GLUD1: variants seen among roughly 807,000 people sequenced by gnomAD.
GLUD1 encodes the protein glutamate dehydrogenase 1, mitochondrial.
A neutral mutation model predicts 56.0 loss-of-function variants in GLUD1; 22 were observed. That is an observed-to-expected ratio of 0.39 (90% CI 0.28 to 0.56). The LOEUF is 0.56. GLUD1 is among the 20% of genes least tolerant of loss of function. GLUD1 has a pLI of 0.58. For missense variants in GLUD1, 451 were observed against 732.0 expected (o/e 0.62, Z 4.43); for synonymous variants, 223 against 269.9 (o/e 0.83, Z 1.70).
At chr10:87,086,382 G>A (rs1447248583) in intron 1 of GLUD1, among the ~76,000 whole-genome samples, 1 of 151,934 alleles carries the variant, frequency 6.6e-6, no homozygotes, top group Non-Finnish European at 1.5e-5. Flanking sequence ...CTACCTGTTG[G>A]GAATACATTA....
chr10:87,086,696 C>T (rs573233417), intron 1 of GLUD1, among the ~76,000 whole-genome samples: 3 of 151,362 alleles, frequency 2.0e-5, no homozygotes, highest in Non-Finnish European at 4.4e-5. Flanking sequence ...GCCAGCGTGG[C>T]GGTGGGCGCC....
At chr10:87,072,887 T>G (rs567340533) in intron 4 of GLUD1, among the ~76,000 whole-genome samples, 2 of 152,314 alleles carry the variant, frequency 1.3e-5, no homozygotes, top group Admixed American at 6.5e-5. Flanking sequence ...TCAGAATCAG[T>G]AGGCACTCCT....
At chr10:87,056,106 ACT>A (rs1328691332) in intron 11 of GLUD1, among the ~76,000 whole-genome samples, 10 of 110,036 alleles carry the variant, frequency 9.1e-5, no homozygotes, top group South Asian at 3.5e-4. Flanking sequence ...ACAGATCGAG[ACT>A]CTGTCTCAAA....
intron 1 of GLUD1, among the ~76,000 whole-genome samples, chr10:87,080,555 A>G (rs1407022458): frequency 7.0e-6 from 1 of 143,682 alleles, no homozygotes; most frequent in Non-Finnish European, 1.5e-5. Context: ...CCGGCCGCCC[A>G]TCGTCTGCGA....
chr10:87,066,076 T>A (rs961660872), intron 5 of GLUD1, among the ~76,000 whole-genome samples: 1 of 152,150 alleles, frequency 6.6e-6, no homozygotes, highest in African/African-American at 2.4e-5. Context: ...CCAGCCTGCA[T>A]CTCTTCAGCA....
At chr10:87,056,742 C>T (rs980165607) in intron 11 of GLUD1, among the ~76,000 whole-genome samples, 1 of 148,986 alleles carries the variant, frequency 6.7e-6, no homozygotes, top group African/African-American at 2.5e-5. Context: ...AAGAGCTGCA[C>T]CAATCTACAC....
At chr10:87,069,768 CCT>C (rs1158748365) in intron 4 of GLUD1, among the ~76,000 whole-genome samples, 1 of 151,972 alleles carries the variant, frequency 6.6e-6, no homozygotes, top group African/African-American at 2.4e-5. Context: ...CTTTTTATAC[CCT>C]GACCCTCTCC....
At chr10:87,089,673 C>T (rs1021099662) in intron 1 of GLUD1, 1 of 982,282 alleles carries the variant, frequency 1.0e-6, no homozygotes, top group African/African-American at 1.7e-5. Context: ...GTAGCTCCTT[C>T]TCCTAGTTTG....
rs559138668 is a variant in GLUD1, at chr10:87,062,939, A to T, written c.742-104T>A. On this transcript the variant is annotated intron_variant, in intron 5 of 12. Transcript: ENST00000277865. ...AGCACATTCTCATTTAATCAAAAAT[A>T]TGCTAATTAGGAGTGTGTGTATGAA... The T allele has an allele frequency of 2.3e-5, 24 of 1,057,720 alleles. No individual in the cohort carries two copies. The African/African-American group carries it at 3.6e-4, about 16-fold the overall frequency. 65.5% of individuals were successfully genotyped at this position (1,057,720 alleles called of 1,614,324 possible).
intron 5 of GLUD1, 69 bp from the exon 6 acceptor site, chr10:87,062,904 T>C (rs1564767053): frequency 7.1e-7 from 1 of 1,411,560 alleles, no homozygotes; most frequent in South Asian, 1.2e-5. Flanking sequence ...ACATAATGAA[T>C]TAAAGTCAAA....
At chr10:87,090,606 C>T (rs906852516) in intron 1 of GLUD1, among the ~76,000 whole-genome samples, 6 of 152,100 alleles carry the variant, frequency 3.9e-5, no homozygotes, top group African/African-American at 1.2e-4. Flanking sequence ...AACACATTTC[C>T]GTATTTAAAT....
chr10:87,080,667 G>A (rs1247372537), intron 1 of GLUD1, among the ~76,000 whole-genome samples: 3 of 149,086 alleles, frequency 2.0e-5, no homozygotes, highest in Admixed American at 6.6e-5. Context: ...CTGCCCAGCC[G>A]CCCCATCTGA....
Position 87,059,013 on chromosome 10 carries a change from T to G in GLUD1, c.1402+137A>C, listed in dbSNP as rs185302997. 2.2e-4 allele frequency: 223 copies of G among 1,032,130 alleles called. 1 individual carries two copies. In the East Asian group the frequency reaches 5.3e-3, roughly 24 times the overall value. The allele number at this position is 1,032,130 out of a possible 1,614,324, so 63.9% of individuals were successfully genotyped here. On this transcript the variant is annotated intron_variant, in intron 10 of 12. Transcript: ENST00000277865. ...ACATTGTGCATTTTTGGTCTAAGTT[T>G]CATGAGACAAAATATTATTTTCTTT...
intron 10 of GLUD1, 133 bp downstream of exon 10, chr10:87,059,017 G>A: frequency 1.9e-6 from 2 of 1,066,150 alleles, no homozygotes; most frequent in Non-Finnish European, 2.9e-6. Context: ...TAAGTTTCAT[G>A]AGACAAAATA....
chr10:87,070,903 G>A (rs1324895205), intron 4 of GLUD1, among the ~76,000 whole-genome samples: 1 of 152,016 alleles, frequency 6.6e-6, no homozygotes, highest in Non-Finnish European at 1.5e-5. Context: ...GCCGAGGTGA[G>A]TGGATCACAA....
intron 1 of GLUD1, among the ~76,000 whole-genome samples, chr10:87,084,870 G>A (rs996666645): frequency 2.0e-5 from 3 of 152,140 alleles, no homozygotes; most frequent in African/African-American, 7.2e-5. Flanking sequence ...TAATATTAAT[G>A]TACCTTCTAA....
intron 1 of GLUD1, among the ~76,000 whole-genome samples, chr10:87,078,801 C>A (rs567097127): frequency 6.6e-6 from 1 of 152,224 alleles, no homozygotes; most frequent in South Asian, 2.1e-4. Context: ...GAATAAGTTT[C>A]TTCGAGATAG....
chr10:87,076,805 T>A (rs964018890), intron 1 of GLUD1, 149 bp from the exon 2 acceptor site: 1 of 693,588 alleles, frequency 1.4e-6, no homozygotes, highest in South Asian at 1.6e-5. Flanking sequence ...CCAAAAACAC[T>A]TGAAGCAGCT....
intron 12 of GLUD1, 83 bp from the exon 13 acceptor site, chr10:87,051,953 G>C: frequency 1.2e-5 from 18 of 1,499,786 alleles, no homozygotes; most frequent in Non-Finnish European, 1.6e-5. Context: ...GACAGGCCTG[G>C]TCCAAGTTAC....
Sources: allele counts gnomAD v4.1 joint callset (sites outside exome capture counted in the v4.1 genomes callset), GRCh38; gene constraint gnomAD v4.1.1; transcripts MANE v1.5; gene names NCBI Gene and HGNC (gene_info 2026-07-23, HGNC 2026-07-21).